Variants in ATXN10 observed in about 807,000 individuals in gnomAD.
The protein encoded by ATXN10 is ataxin-10.
Under a neutral mutation model 52.9 loss-of-function variants are expected in ATXN10, and 28 were observed. The observed-to-expected ratio is 0.53, with a 90% CI of 0.39 to 0.73. ATXN10 has a LOEUF of 0.73. Among genes scored for constraint, ATXN10 ranks in the 30% least tolerant of loss-of-function variants. The probability of loss-of-function intolerance (pLI) is 0.00; values close to 1 mark genes in which losing one functional copy is unlikely to be tolerated. For synonymous variants in ATXN10, 226 were observed against 221.5 expected, an observed-to-expected ratio of 1.02 and a Z score of -0.18; for missense variants, 565 against 577.0, an observed-to-expected ratio of 0.98 and a Z score of 0.21.
At chr22:45,814,723 A>G (rs111564688) in intron 10 of ATXN10, among the ~76,000 whole-genome samples, 2,351 of 152,246 alleles carry the variant, frequency 0.015, 49 homozygotes, top group African/African-American at 0.043. Flanking sequence ...GCAAGCATCA[A>G]TCACCACCTG....
rs544237971 is a variant in ATXN10, at chr22:45,835,741, C to G, written c.1238-7250C>G. On this transcript the variant is annotated intron_variant, in intron 10 of 11. Coordinates refer to ENST00000252934, the MANE Select transcript of ATXN10 (RefSeq NM_013236.4). This position sits in a 1 kb window ranked among gnomAD's most constrained non-coding sequence, Gnocchi z 5.0. ...TCCCTCCGGAAAGACTGAAACTGCT[C>G]TTTCTTATAGTGTGTATTAAATGCA... Among the ~76,000 whole-genome samples the G allele has an allele frequency of 3.2e-4, 49 of 152,308 alleles. No individual in the cohort carries two copies. The highest frequency in any genetic ancestry group is 1.2e-3 in the African/African-American group (48 of 41,564).
At chr22:45,782,680 G>T (rs1479476412) in intron 9 of ATXN10, among the ~76,000 whole-genome samples, 1 of 152,178 alleles carries the variant, frequency 6.6e-6, no homozygotes, top group African/African-American at 2.4e-5. Context: ...CTATATGAGT[G>T]GTGGTTACAC....
intron 9 of ATXN10, among the ~76,000 whole-genome samples, chr22:45,752,201 A>G (rs1179009123): frequency 6.6e-6 from 1 of 152,206 alleles, no homozygotes; most frequent in Non-Finnish European, 1.5e-5. Context: ...TGTTTGCCAT[A>G]TGCTGTGTAC....
At chr22:45,812,182 C>T (rs530217425) in intron 10 of ATXN10, among the ~76,000 whole-genome samples, 3 of 152,250 alleles carry the variant, frequency 2.0e-5, no homozygotes, top group South Asian at 2.1e-4. Context: ...ATAGGCCACC[C>T]GCTCCGATCC....
At chr22:45,811,212 G>A (rs1235784978) in intron 10 of ATXN10, among the ~76,000 whole-genome samples, 1 of 151,932 alleles carries the variant, frequency 6.6e-6, no homozygotes, top group African/African-American at 2.4e-5. Flanking sequence ...GTGTATGATA[G>A]GTCCTGAGAA....
At position 45,766,304 on chromosome 22, in the gene ATXN10, C is replaced by T. The variant is rs557815128; in HGVS notation, c.1173+25766C>T. On this transcript the variant is annotated intron_variant, in intron 9 of 11. Coordinates refer to ENST00000252934, the MANE Select transcript of ATXN10 (RefSeq NM_013236.4). This position sits in a 1 kb window ranked among gnomAD's most constrained non-coding sequence, Gnocchi z 4.6. ...AGGTGGCATTAGAGTCTCACAGGAGCGTGAATACTGTTGTGAACTGTGCAT... is the reference window on the plus strand; with the variant it reads ...AGGTGGCATTAGAGTCTCACAGGAGTGTGAATACTGTTGTGAACTGTGCAT... Among the ~76,000 whole-genome samples the T allele has an allele frequency of 1.8e-4, 27 of 152,216 alleles. No individual in the cohort carries two copies. Among genetic ancestry groups the T allele is most frequent in the Admixed American group, 8.5e-4 (13 of 15,286 alleles).
rs1924950750 is a variant in ATXN10 at position 45,728,120 on chromosome 22, C to T, written c.729-1305C>T. On this transcript the variant is annotated intron_variant, in intron 6 of 11. Coordinates refer to ENST00000252934, the MANE Select transcript of ATXN10 (RefSeq NM_013236.4). The surrounding 1 kb of genome is among the most constrained non-coding windows in gnomAD (Gnocchi z 4.3). Reference sequence around the variant, plus strand: ...TAATACTGAGATGTGAGGTACTATCCCAGCCATCATGTTGATTGTTACCTG... The same window carrying T: ...TAATACTGAGATGTGAGGTACTATCTCAGCCATCATGTTGATTGTTACCTG... 6.6e-6 allele frequency among the ~76,000 whole-genome samples: 1 copy of T among 151,770 alleles called. No individual in the cohort carries two copies. The highest frequency in any genetic ancestry group is 1.5e-5 in the Non-Finnish European group (1 of 67,968).
chr22:45,792,278 A>G (rs577761102), intron 9 of ATXN10: 2 of 152,354 alleles, frequency 1.3e-5, no homozygotes, highest in South Asian at 2.1e-4. Flanking sequence ...ATTTCACTAA[A>G]TAAGACCGTT....
chr22:45,709,565 C>T (rs999510437), intron 5 of ATXN10, among the ~76,000 whole-genome samples: 1 of 152,144 alleles, frequency 6.6e-6, no homozygotes, highest in Non-Finnish European at 1.5e-5. Context: ...CTGTTCTTGC[C>T]TACTCAGGGT....
intron 9 of ATXN10, among the ~76,000 whole-genome samples, chr22:45,760,189 C>A (rs2146828164): frequency 6.6e-6 from 1 of 152,248 alleles, no homozygotes; most frequent in African/African-American, 2.4e-5. Context: ...CCTGTAAAGC[C>A]ATCTTTCCCA....
intron 10 of ATXN10, among the ~76,000 whole-genome samples, chr22:45,832,445 G>A (rs1929024727): frequency 6.6e-6 from 1 of 152,268 alleles, no homozygotes; most frequent in East Asian, 1.9e-4. Flanking sequence ...TAATTCCTCA[G>A]AGAGGCCTTC....
rs1927665518 is a variant in ATXN10 at position 45,795,194 on chromosome 22, G to A, written c.1174-11765G>A. On this transcript the variant is annotated intron_variant, in intron 9 of 11. Transcript: ENST00000252934. This position sits in a 1 kb window ranked among gnomAD's most constrained non-coding sequence, Gnocchi z 4.6. ...CAAGCCAGTATTGGAGAAATAAGTG[G>A]AATATTTAAAAATGCTCAGTCTCAA... Among the ~76,000 whole-genome samples, 1 of 152,026 alleles carries A rather than the reference G, an allele frequency of 6.6e-6. No individual in the cohort carries two copies. Among genetic ancestry groups the A allele is most frequent in the Non-Finnish European group, 1.5e-5 (1 of 67,998 alleles).
At position 45,696,506 on chromosome 22, in the gene ATXN10, C is replaced by T. The variant is rs955258919; in HGVS notation, c.391+3428C>T. On this transcript the variant is annotated intron_variant, in intron 3 of 11. Coordinates refer to ENST00000252934, the MANE Select transcript of ATXN10 (RefSeq NM_013236.4). The surrounding 1 kb of genome is among the most constrained non-coding windows in gnomAD (Gnocchi z 4.7). Reference sequence around the variant, plus strand: ...TAAATAACTATTAGAATGGAGCCAGCCCCTCCACCATGTGCTGGATTTCAT... The same window carrying T: ...TAAATAACTATTAGAATGGAGCCAGTCCCTCCACCATGTGCTGGATTTCAT... Among the ~76,000 whole-genome samples, 13 of 152,222 alleles carry T rather than the reference C, an allele frequency of 8.5e-5. No homozygotes were observed. The highest frequency in any genetic ancestry group is 3.1e-4 in the African/African-American group (13 of 41,458).
chr22:45,839,370 T>C (rs1431834232), intron 10 of ATXN10, among the ~76,000 whole-genome samples: 1 of 152,240 alleles, frequency 6.6e-6, no homozygotes, highest in Non-Finnish European at 1.5e-5. Flanking sequence ...CCGTGTGAAA[T>C]ACTTGACTAT....
At chr22:45,731,715 C>T (rs192858825) in intron 7 of ATXN10, among the ~76,000 whole-genome samples, 6 of 152,312 alleles carry the variant, frequency 3.9e-5, no homozygotes, top group African/African-American at 1.4e-4. Context: ...ATGGCTATGA[C>T]TGCTCGCCCA....
chr22:45,823,293 T>C lies in ATXN10; in HGVS notation c.1237+16271T>C, dbSNP rs1928713837. On this transcript the variant is annotated intron_variant, in intron 10 of 11. Transcript: ENST00000252934. This position sits in a 1 kb window ranked among gnomAD's most constrained non-coding sequence, Gnocchi z 4.9. The stretch of plus-strand genomic sequence containing the variant: ...TAATGTAAAATTTATCAGTCTTTCC[T>C]TCTATGTTTAGTGATTTTTGTGTCT... 4.5e-6 allele frequency: 2 copies of C among 446,482 alleles called. No homozygotes were observed. The highest frequency in any genetic ancestry group is 2.6e-5 in the Admixed American group (1 of 38,240). The allele number at this position is 446,482 out of a possible 1,614,324, so 27.7% of individuals were successfully genotyped here.
At chr22:45,685,908 A>G (rs1185124702) in intron 1 of ATXN10, among the ~76,000 whole-genome samples, 2 of 151,862 alleles carry the variant, frequency 1.3e-5, no homozygotes, top group Admixed American at 1.3e-4. Context: ...AGAAATTTAA[A>G]ATACAGTTAA....
At chr22:45,767,362 G>T (rs889158224) in intron 9 of ATXN10, among the ~76,000 whole-genome samples, 2 of 151,538 alleles carry the variant, frequency 1.3e-5, no homozygotes, top group Non-Finnish European at 2.9e-5. Context: ...TATCTTTTAT[G>T]TAATACAGAG....
intron 1 of ATXN10, chr22:45,676,026 TGTGA>T (rs2146721242): frequency 1.3e-5 from 2 of 152,380 alleles, no homozygotes; most frequent in Non-Finnish European, 2.9e-5. Flanking sequence ...TTTATCTTGC[TGTGA>T]GTCTTTGCAA....
Sources: gnomAD v4.1 joint callset for allele counts (sites outside exome capture counted in the v4.1 genomes callset) on GRCh38, gnomAD v4.1.1 for gene constraint, Gnocchi (gnomAD v3.1) non-coding constraint, MANE v1.5 for transcripts, NCBI Gene and HGNC (gene_info 2026-07-23, HGNC 2026-07-21) for gene names.